Variants in PTGIS observed in about 807,000 individuals in gnomAD.
The protein encoded by PTGIS is prostacyclin synthase.
In PTGIS, 45 loss-of-function variants were observed where a neutral mutation model predicts 50.3. The observed-to-expected ratio is 0.90, with a 90% confidence interval of 0.70 to 1.15. The LOEUF (loss-of-function observed/expected upper bound fraction) is 1.15, where lower values mean the gene tolerates loss of function less well. PTGIS is among the 50% of genes most tolerant of loss of function. The pLI is 0.00. For missense variants in PTGIS, 668 were observed against 661.3 expected, an observed-to-expected ratio of 1.01 and a Z score of -0.11; for synonymous variants, 260 against 267.7, an observed-to-expected ratio of 0.97 and a Z score of 0.28.
chr20:49,553,766 G>T (rs1210816640), intron 1 of PTGIS, among the ~76,000 whole-genome samples: 2 of 151,810 alleles, frequency 1.3e-5, no homozygotes, highest in Admixed American at 6.6e-5. Context: ...GGCAAGAAAG[G>T]TTAAAAGAAA....
chr20:49,549,616 G>A (rs573273837), intron 2 of PTGIS, among the ~76,000 whole-genome samples: 3 of 152,264 alleles, frequency 2.0e-5, no homozygotes, highest in Admixed American at 6.5e-5. Flanking sequence ...GACAGATGTC[G>A]GGTGAATCTA....
At chr20:49,546,324 G>A (rs1440864877) in intron 3 of PTGIS, among the ~76,000 whole-genome samples, 2 of 152,182 alleles carry the variant, frequency 1.3e-5, no homozygotes, top group African/African-American at 4.8e-5. Flanking sequence ...TTGCTAATGG[G>A]ACCCCCAGGG....
At chr20:49,556,661 G>C (rs1982627656) in intron 1 of PTGIS, among the ~76,000 whole-genome samples, 1 of 152,166 alleles carries the variant, frequency 6.6e-6, no homozygotes, top group South Asian at 2.1e-4. Flanking sequence ...TTACAAATAA[G>C]TTGGTCCTAC....
intron 4 of PTGIS, among the ~76,000 whole-genome samples, chr20:49,542,923 T>A (rs1057087806): frequency 1.3e-5 from 2 of 152,078 alleles, no homozygotes; most frequent in Admixed American, 1.3e-4. Context: ...CTAGAGCGAT[T>A]GTGAGCATTA....
intron 1 of PTGIS, among the ~76,000 whole-genome samples, chr20:49,551,250 C>T (rs751153695): frequency 3.3e-5 from 5 of 152,076 alleles, no homozygotes; most frequent in African/African-American, 7.2e-5. Flanking sequence ...TGGTTCAGGC[C>T]GTGGTGGGAA....
Position 49,513,268 on chromosome 20 carries a change from G to T in PTGIS, c.1025-7C>A. ...CTCTCACTCAGCACGCTATCTGCAT[G>T]GGGCAGGTGCAAGGAAGAGTCAGCG... On this transcript the variant is annotated splice_polypyrimidine_tract_variant and splice_region_variant and intron_variant, in intron 7 of 9. Coordinates refer to ENST00000244043, the MANE Select transcript of PTGIS (RefSeq NM_000961.4). 1 of 1,612,734 alleles carries T rather than the reference G, an allele frequency of 6.2e-7. No homozygotes were observed.
chr20:49,565,671 A>C (rs753799270), intron 1 of PTGIS, among the ~76,000 whole-genome samples: 8 of 152,168 alleles, frequency 5.3e-5, no homozygotes, highest in Non-Finnish European at 1.0e-4. Context: ...CACTAAAAGT[A>C]AAAGCTAAAA....
In PTGIS at chr20:49,513,261, T is replaced by C; in HGVS notation, c.1025A>G (p.Asp342Gly). Residue 342 changes from aspartate to glycine, a missense_variant and splice_region_variant, in exon 8 of 10, where the codon GAT (aspartate) becomes GGT (glycine). By Grantham distance (94) the Asp-to-Gly change is moderately conservative. Transcript: ENST00000244043. ...CCTGAGGCTCTCACTCAGCACGCTA[T>C]CTGCATGGGGCAGGTGCAAGGAAGA... ...QKVLDSTPVL[D>G]SVLSESLRLT... 1 of 1,613,276 alleles carries C rather than the reference T, an allele frequency of 6.2e-7. No homozygotes were observed. Among genetic ancestry groups the C allele is most frequent in the African/African-American group, 1.3e-5 (1 of 75,026 alleles).
At chr20:49,513,823 A>C (rs1264646118) in intron 7 of PTGIS, among the ~76,000 whole-genome samples, 1 of 152,142 alleles carries the variant, frequency 6.6e-6, no homozygotes, top group East Asian at 1.9e-4. Flanking sequence ...CAGAGCCAGG[A>C]GGAAGTCAGC....
At chr20:49,515,893 T>A (rs1981460566) in intron 6 of PTGIS, among the ~76,000 whole-genome samples, 1 of 152,098 alleles carries the variant, frequency 6.6e-6, no homozygotes, top group African/African-American at 2.4e-5. Flanking sequence ...ATCTCTTTTT[T>A]TTTTTGAGAC....
intron 9 of PTGIS, among the ~76,000 whole-genome samples, chr20:49,509,881 C>CTTTTTTT (rs11337451): frequency 2.3e-3 from 211 of 93,342 alleles, no homozygotes; most frequent in African/African-American, 2.8e-3. Flanking sequence ...TTCTTTCTTT[C>CTTTTTTT]TTTTTTTTTT....
At chr20:49,566,182 A>G (rs1180666904) in intron 1 of PTGIS, among the ~76,000 whole-genome samples, 1 of 152,226 alleles carries the variant, frequency 6.6e-6, no homozygotes, top group Non-Finnish European at 1.5e-5. Flanking sequence ...GTGAGCCGAG[A>G]TCGTGCCATT....
chr20:49,541,525 A>C (rs1448379055), intron 4 of PTGIS, among the ~76,000 whole-genome samples: 3 of 152,302 alleles, frequency 2.0e-5, no homozygotes, highest in Admixed American at 6.5e-5. Flanking sequence ...TGAGGTCAGG[A>C]GTTCGAGACC....
intron 1 of PTGIS, among the ~76,000 whole-genome samples, chr20:49,552,672 GT>G (rs1009094001): frequency 4.6e-5 from 7 of 152,150 alleles, no homozygotes; most frequent in Admixed American, 4.6e-4. Context: ...GTCTAAGATA[GT>G]TGTCCTTTTT....
chr20:49,551,809 TGTGTGTGTGTG>T (rs1982517752), intron 1 of PTGIS, among the ~76,000 whole-genome samples: 1 of 72,544 alleles, frequency 1.4e-5, no homozygotes, highest in African/African-American at 1.6e-4. Flanking sequence ...TATGTGTTTG[TGTGTGTGTGTG>T]TGTGTGTGTG....
intron 5 of PTGIS, among the ~76,000 whole-genome samples, chr20:49,528,082 G>C (rs923616538): frequency 2.6e-5 from 4 of 152,210 alleles, no homozygotes; most frequent in Admixed American, 1.3e-4. Context: ...GGAGGTTGCA[G>C]TGAGCTGAGA....
chr20:49,530,820 C>A (rs1297344412), intron 5 of PTGIS, among the ~76,000 whole-genome samples: 1 of 152,086 alleles, frequency 6.6e-6, no homozygotes, highest in African/African-American at 2.4e-5. Flanking sequence ...AGTGCAGTGG[C>A]GTGATCTCGG....
chr20:49,546,545 G>A (rs747525784), intron 3 of PTGIS, among the ~76,000 whole-genome samples: 2 of 152,214 alleles, frequency 1.3e-5, no homozygotes, highest in Non-Finnish European at 2.9e-5. Flanking sequence ...GATCGCCATT[G>A]GACTGTGTGA....
chr20:49,539,526 T>C (rs1186345921), intron 5 of PTGIS, 44 bp downstream of exon 5: 4 of 1,600,622 alleles, frequency 2.5e-6, no homozygotes, highest in Non-Finnish European at 8.5e-7. Context: ...CCTCTGGGTC[T>C]TTCCATCCTC....
Sources: gnomAD v4.1 joint callset for allele counts (sites outside exome capture counted in the v4.1 genomes callset) on GRCh38, gnomAD v4.1.1 for gene constraint, MANE v1.5 for transcripts, NCBI Gene and HGNC (gene_info 2026-07-23, HGNC 2026-07-21) for gene names.